FAM78B: variants seen among roughly 807,000 people sequenced by gnomAD.
FAM78B encodes the protein protein FAM78B.
FAM78B carries 10 observed loss-of-function variants against 20.0 expected under a neutral mutation model. That is an observed-to-expected ratio of 0.50 (90% CI 0.31 to 0.85). The LOEUF (loss-of-function observed/expected upper bound fraction) is 0.85. FAM78B is among the 40% of genes least tolerant of loss of function. FAM78B has a pLI of 0.05. For missense variants in FAM78B, 283 were observed against 345.0 expected, an observed-to-expected ratio of 0.82 and a Z score of 1.42; for synonymous variants, 135 against 132.8, an observed-to-expected ratio of 1.02 and a Z score of -0.12.
At chr1:166,075,471 C>G (rs1486849967) in intron 1 of FAM78B, among the ~76,000 whole-genome samples, 1 of 152,178 alleles carries the variant, frequency 6.6e-6, no homozygotes, top group African/African-American at 2.4e-5. Context: ...GTTGTGGTCT[C>G]ACTGTCCCTG....
intron 1 of FAM78B, among the ~76,000 whole-genome samples, chr1:166,087,784 G>A (rs1420984855): frequency 6.6e-6 from 1 of 152,184 alleles, no homozygotes; most frequent in Non-Finnish European, 1.5e-5. Context: ...CTTTTAACGT[G>A]TGATGTTTGA....
intron 1 of FAM78B, among the ~76,000 whole-genome samples, chr1:166,074,231 T>TCTCCACACACCATGCCTTTCTCAC (rs1652169972): frequency 6.6e-6 from 1 of 152,164 alleles, no homozygotes; most frequent in Non-Finnish European, 1.5e-5. Flanking sequence ...GGCCTCCCCA[T>TCTCCACACACCATGCCTTTCTCAC]CTCCACACAC....
chr1:166,060,747 C>CT, intron 2 of FAM78B: 1 of 815,096 alleles, frequency 1.2e-6, no homozygotes. Context: ...AGCAGATGGT[C>CT]ATGATCTGGG....
intron 1 of FAM78B, among the ~76,000 whole-genome samples, chr1:166,141,741 C>T (rs1371311128): frequency 2.6e-5 from 4 of 152,200 alleles, no homozygotes; most frequent in African/African-American, 9.6e-5. Context: ...CTGGTGGCTA[C>T]CCAATGCACA....
intron 1 of FAM78B, among the ~76,000 whole-genome samples, chr1:166,071,693 C>G (rs541344735): frequency 6.6e-6 from 1 of 152,306 alleles, no homozygotes; most frequent in South Asian, 2.1e-4. Context: ...TTCCATTTTA[C>G]ACACAAGGGG....
intron 1 of FAM78B, among the ~76,000 whole-genome samples, chr1:166,099,503 T>G (rs1653420220): frequency 6.6e-6 from 1 of 150,434 alleles, no homozygotes; most frequent in South Asian, 2.1e-4. Flanking sequence ...ACTCACCAAC[T>G]AACTATCTGC....
intron 1 of FAM78B, among the ~76,000 whole-genome samples, chr1:166,146,554 A>T (rs926001335): frequency 1.3e-5 from 2 of 152,188 alleles, no homozygotes; most frequent in African/African-American, 4.8e-5. Flanking sequence ...AAGCACTCCA[A>T]GGTCAGAGCT....
At chr1:166,142,813 C>G (rs1251325318) in intron 1 of FAM78B, among the ~76,000 whole-genome samples, 2 of 152,156 alleles carry the variant, frequency 1.3e-5, no homozygotes, top group East Asian at 3.9e-4. Flanking sequence ...TACCACAGGC[C>G]TAGAAGGATG....
At chr1:166,095,094 A>G (rs887427848) in intron 1 of FAM78B, among the ~76,000 whole-genome samples, 5 of 152,098 alleles carry the variant, frequency 3.3e-5, no homozygotes, top group African/African-American at 4.8e-5. Flanking sequence ...CTGTCTGTCC[A>G]TACCAGTCCT....
At chr1:166,060,699 G>C (rs1199741828) in intron 2 of FAM78B, 1 of 1,218,880 alleles carries the variant, frequency 8.2e-7, no homozygotes, top group South Asian at 1.3e-5. Context: ...AATAAAGCGG[G>C]CATTAAGACA....
intron 1 of FAM78B, among the ~76,000 whole-genome samples, chr1:166,133,590 T>C (rs761823627): frequency 3.7e-5 from 4 of 107,416 alleles, no homozygotes; most frequent in African/African-American, 1.5e-4. Context: ...ATCTGTAAAG[T>C]TGAGCAATCT....
intron 1 of FAM78B, among the ~76,000 whole-genome samples, chr1:166,124,871 G>A (rs1289375403): frequency 3.9e-5 from 6 of 152,340 alleles, no homozygotes. Context: ...TCAGTCCCAG[G>A]TTGGCTGCAT....
chr1:166,152,035 G>A lies in FAM78B; in HGVS notation c.263+13951C>T, dbSNP rs1036023178. Among the ~76,000 whole-genome samples the A allele has an allele frequency of 3.3e-5, 5 of 152,304 alleles. No homozygotes were observed. The East Asian group carries it at 5.8e-4, about 18-fold the overall frequency. ...GGTACCCAGATTATCTAGAGTCTCT[G>A]TCAGATACAGGTTCTGAAAAGACAA... On this transcript the variant is annotated intron_variant, in intron 1 of 1. Transcript: ENST00000354422.
chr1:166,088,402 T>C (rs1652923373), intron 1 of FAM78B, among the ~76,000 whole-genome samples: 1 of 152,138 alleles, frequency 6.6e-6, no homozygotes, highest in South Asian at 2.1e-4. Context: ...TTCTCCCATC[T>C]GCAGACCCTG....
chr1:166,166,143 C>T lies in FAM78B; in HGVS notation c.106G>A (p.Glu36Lys). The change falls in exon 1 of 2, where the codon GAG (glutamate) becomes AAG (lysine). Residue 36 changes from glutamate to lysine, a missense_variant. Coordinates refer to ENST00000354422, the MANE Select transcript of FAM78B (RefSeq NM_001017961.5). ...TIDQCPTRIE[E>K]TSPIVLRYKT... ...TAGCGCAGGACGATGGGCGAGGTCT[C>T]CTCGATGCGCGTGGGGCACTGGTCG... The T allele has an allele frequency of 6.2e-7, 1 of 1,607,658 alleles. No homozygotes were observed. Among genetic ancestry groups the T allele is most frequent in the Non-Finnish European group, 8.5e-7 (1 of 1,177,012 alleles).
intron 1 of FAM78B, among the ~76,000 whole-genome samples, chr1:166,109,896 A>ATG (rs1274757469): frequency 0.016 from 963 of 59,780 alleles, 83 homozygotes; most frequent in African/African-American, 0.05. Flanking sequence ...ATATGTATAT[A>ATG]TATATATATA....
intron 1 of FAM78B, among the ~76,000 whole-genome samples, chr1:166,092,046 T>C (rs1405038490): frequency 6.6e-6 from 1 of 151,578 alleles, no homozygotes; most frequent in African/African-American, 2.4e-5. Flanking sequence ...TTTTTTTTTT[T>C]TTTTGCAAAA....
intron 1 of FAM78B, among the ~76,000 whole-genome samples, chr1:166,148,561 C>T (rs1401321108): frequency 1.3e-5 from 2 of 152,234 alleles, no homozygotes; most frequent in African/African-American, 4.8e-5. Flanking sequence ...ACCTCATGTT[C>T]ATCTGTGCTC....
At chr1:166,084,239 T>TACACACACACA (rs1557893568) in intron 1 of FAM78B, among the ~76,000 whole-genome samples, 3 of 67,782 alleles carry the variant, frequency 4.4e-5, no homozygotes, top group African/African-American at 1.4e-4. Context: ...ACACACACAC[T>TACACACACACA]CTCTCTCTCT....
Sources: allele counts gnomAD v4.1 joint callset (sites outside exome capture counted in the v4.1 genomes callset), GRCh38; gene constraint gnomAD v4.1.1; transcripts MANE v1.5; gene names NCBI Gene and HGNC (gene_info 2026-07-23, HGNC 2026-07-21).